The following CELF4 variants were observed in gnomAD, a reference collection of about 807,000 sequenced individuals.
CELF4 encodes the protein CUG-BP- and ETR-3-like factor 4.
A neutral mutation model predicts 59.9 loss-of-function variants in CELF4; 18 were observed. The observed-to-expected ratio is 0.30, with a 90% confidence interval of 0.21 to 0.45. CELF4 has a LOEUF of 0.45. Among genes scored for constraint, CELF4 ranks in the 20% least tolerant of loss-of-function variants. CELF4 has a pLI of 1.00. For missense variants in CELF4, 456 were observed against 689.0 expected (o/e 0.66, Z 3.79); for synonymous variants, 261 against 267.1 (o/e 0.98, Z 0.22).
intron 1 of CELF4, among the ~76,000 whole-genome samples, chr18:37,515,945 T>G (rs1342350566): frequency 6.6e-6 from 1 of 152,082 alleles, no homozygotes; most frequent in Non-Finnish European, 1.5e-5. Context: ...CATTGTAGCA[T>G]CCCAGCATTT....
intron 2 of CELF4, among the ~76,000 whole-genome samples, chr18:37,469,918 G>A (rs976693141): frequency 6.6e-6 from 1 of 152,130 alleles, no homozygotes; most frequent in Non-Finnish European, 1.5e-5. Flanking sequence ...GGCATCAGTG[G>A]GAGGTAGCCC....
intron 1 of CELF4, among the ~76,000 whole-genome samples, chr18:37,563,099 C>T (rs773130490): frequency 5.0e-4 from 75 of 150,264 alleles, no homozygotes; most frequent in Non-Finnish European, 7.7e-4. Context: ...ATATGTATTA[C>T]GTATATATTA....
At chr18:37,453,656 G>A (rs2099770222) in intron 2 of CELF4, among the ~76,000 whole-genome samples, 1 of 152,202 alleles carries the variant, frequency 6.6e-6, no homozygotes, top group Non-Finnish European at 1.5e-5. Context: ...TCGGCACAGA[G>A]CATCGGGGGT....
chr18:37,347,624 T>C (rs531696273), intron 2 of CELF4, among the ~76,000 whole-genome samples: 1 of 152,072 alleles, frequency 6.6e-6, no homozygotes, highest in East Asian at 1.9e-4. Flanking sequence ...TCACTTCCCT[T>C]TCTCCTGAGC....
At chr18:37,502,076 C>T (rs2099932510) in intron 1 of CELF4, among the ~76,000 whole-genome samples, 1 of 152,140 alleles carries the variant, frequency 6.6e-6, no homozygotes, top group South Asian at 2.1e-4. Flanking sequence ...CCCCCGTGAA[C>T]CTCGAGCCAC....
Position 37,243,206 on chromosome 18 carries a change from T to TTTTTTTTTA in CELF4, c.*2035_*2036insTAAAAAAAA, listed in dbSNP as rs1367490262. The stretch of plus-strand genomic sequence containing the variant: ...TTTTTCTTTTTTTTTTTTTTTTTTT[T>TTTTTTTTTA]ACATCTGGACATCCTAAAAGGAGGA... On this transcript the variant is annotated 3_prime_UTR_variant, in exon 13 of 13. Coordinates refer to ENST00000420428, the MANE Select transcript of CELF4 (RefSeq NM_020180.4). 6.9e-6 allele frequency: 1 copy of TTTTTTTTTA among 145,904 alleles called. No individual in the cohort carries two copies. Among genetic ancestry groups the TTTTTTTTTA allele is most frequent in the East Asian group, 2.0e-4 (1 of 4,938 alleles). The allele number at this position is 145,904 out of a possible 1,614,324, so 9.0% of individuals were successfully genotyped here. A position where few individuals can be genotyped will look rare whatever the true frequency, so the allele number is the denominator to read the frequency against.
At chr18:37,401,234 T>C (rs1436151774) in intron 2 of CELF4, among the ~76,000 whole-genome samples, 1 of 152,232 alleles carries the variant, frequency 6.6e-6, no homozygotes, top group East Asian at 1.9e-4. Flanking sequence ...GAGATGTTCA[T>C]TGCAACTTCC....
At chr18:37,255,159 C>T (rs995564792) in intron 11 of CELF4, among the ~76,000 whole-genome samples, 3 of 152,204 alleles carry the variant, frequency 2.0e-5, no homozygotes, top group Admixed American at 6.5e-5. Flanking sequence ...CATGAACGTG[C>T]CCGTTGCGTA....
At chr18:37,455,156 C>T (rs2099774768) in intron 2 of CELF4, among the ~76,000 whole-genome samples, 1 of 152,214 alleles carries the variant, frequency 6.6e-6, no homozygotes, top group Admixed American at 6.5e-5. Context: ...ACAGCAGCGC[C>T]TTCATTTTGT....
chr18:37,403,558 G>A (rs1032323648), intron 2 of CELF4, among the ~76,000 whole-genome samples: 5 of 152,292 alleles, frequency 3.3e-5, no homozygotes, highest in African/African-American at 1.2e-4. Context: ...CATGTGGCGA[G>A]GGGGTGGTGG....
Position 37,273,100 on chromosome 18 carries a change from C to A in CELF4, c.865G>T (p.Ala289Ser), listed in dbSNP as rs937430786. 24 of 1,613,360 alleles carry A rather than the reference C, an allele frequency of 1.5e-5. No individual in the cohort carries two copies. Among genetic ancestry groups the A allele is most frequent in the Non-Finnish European group, 2.0e-5 (24 of 1,179,952 alleles). Residue 289 changes from alanine to serine, a missense_variant, in exon 7 of 13, where the codon GCT (alanine) becomes TCT (serine). This residue lies in a region of CELF4 where 256 missense variants were observed against 340.8 expected (regional missense o/e 0.75). Transcript: ENST00000420428. ...TGCATCTGGGCGGCAGCGAAGGCAG[C>A]CATGGGGTTCAGGTAGCCGCCCTGC... is the stretch of plus-strand genomic sequence containing the variant. ...VAQGGYLNPM[A>S]AFAAAQMQQM...
chr18:37,401,778 A>G (rs1029267687), intron 2 of CELF4, among the ~76,000 whole-genome samples: 2 of 152,200 alleles, frequency 1.3e-5, no homozygotes, highest in African/African-American at 4.8e-5. Flanking sequence ...CGTTCTTCCC[A>G]CCAAAGCATA....
At chr18:37,299,457 C>T (rs1468144466) in intron 3 of CELF4, among the ~76,000 whole-genome samples, 2 of 152,050 alleles carry the variant, frequency 1.3e-5, no homozygotes, top group African/African-American at 4.8e-5. Context: ...CCGGGCAGAA[C>T]TGGGACAGGA....
intron 1 of CELF4, among the ~76,000 whole-genome samples, chr18:37,558,562 G>A (rs1018477113): frequency 4.1e-5 from 4 of 97,360 alleles, no homozygotes; most frequent in South Asian, 5.5e-4. Flanking sequence ...TGTGGGGGGC[G>A]GGTGGGGGGG....
At chr18:37,299,531 C>A (rs899906031) in intron 3 of CELF4, among the ~76,000 whole-genome samples, 1 of 152,118 alleles carries the variant, frequency 6.6e-6, no homozygotes, top group Non-Finnish European at 1.5e-5. Context: ...GACAAGGGAT[C>A]CAGGCCAGAG....
chr18:37,420,681 C>T (rs2099572798), intron 2 of CELF4, among the ~76,000 whole-genome samples: 1 of 152,196 alleles, frequency 6.6e-6, no homozygotes, highest in Admixed American at 6.5e-5. Context: ...AGCATGGGGC[C>T]TGGAACCTGG....
chr18:37,290,888 T>C (rs962985898), intron 3 of CELF4, among the ~76,000 whole-genome samples: 12 of 152,178 alleles, frequency 7.9e-5, no homozygotes, highest in Non-Finnish European at 4.4e-5. Context: ...ACATGATCCA[T>C]GACAATTTTC....
chr18:37,528,473 G>A (rs995159177), intron 1 of CELF4, among the ~76,000 whole-genome samples: 2 of 152,138 alleles, frequency 1.3e-5, no homozygotes, highest in Non-Finnish European at 2.9e-5. Context: ...TGAATTTCTC[G>A]ACAATGCAAT....
rs112946652 is a variant in CELF4, at chr18:37,405,443, C to T, written c.369+80082G>A. Among the ~76,000 whole-genome samples the T allele has an allele frequency of 1.1e-3, 160 of 152,244 alleles. 4 individuals are homozygous for T. Among genetic ancestry groups the T allele is most frequent in the Non-Finnish European group, 2.8e-4 (19 of 68,048 alleles). ...CCCAGTTCTTTCTCTGTGGTGTACA[C>T]GCCACTTCCTGCCTCTACCCTTCCT... On this transcript the variant is annotated intron_variant, in intron 2 of 12. Coordinates refer to ENST00000420428, the MANE Select transcript of CELF4 (RefSeq NM_020180.4).
Sources: allele counts gnomAD v4.1 joint callset (sites outside exome capture counted in the v4.1 genomes callset), GRCh38; gene constraint gnomAD v4.1.1; regional missense constraint gnomAD v4.1.1; transcripts MANE v1.5; gene names NCBI Gene and HGNC (gene_info 2026-07-23, HGNC 2026-07-21).